The following LRMDA variants were observed in gnomAD, a reference collection of about 807,000 sequenced individuals.
LRMDA encodes the protein leucine rich melanocyte differentiation associated, also known as leucine-rich melanocyte differentiation-associated protein.
LRMDA carries 18 observed loss-of-function variants against 29.8 expected under a neutral mutation model. That is an observed-to-expected ratio of 0.60 (90% confidence interval 0.42 to 0.90). The LOEUF (loss-of-function observed/expected upper bound fraction) is 0.90. Ranked by LOEUF, LRMDA falls within the 40% of genes least tolerant of loss-of-function variation. The pLI is 0.00. For missense variants in LRMDA, 273 were observed against 273.9 expected (o/e 1.00, Z 0.02); for synonymous variants, 125 against 109.4 (o/e 1.14, Z -0.89).
intron 6 of LRMDA, among the ~76,000 whole-genome samples, chr10:76,400,122 A>G (rs925016086): frequency 1.3e-5 from 2 of 152,212 alleles, no homozygotes; most frequent in African/African-American, 2.4e-5. Context: ...TTTCCTGCTG[A>G]TCTTGATGAA....
intron 2 of LRMDA, among the ~76,000 whole-genome samples, chr10:75,718,840 A>G (rs1255375986): frequency 2.6e-5 from 4 of 152,230 alleles, no homozygotes; most frequent in African/African-American, 9.6e-5. Context: ...TACTATAGTC[A>G]TATTAACCGT....
intron 6 of LRMDA, chr10:76,402,462 C>T (rs1472180373): frequency 1.3e-5 from 2 of 152,304 alleles, no homozygotes; most frequent in Non-Finnish European, 2.9e-5. Context: ...AGCAATCCTC[C>T]CACTTTAGCC....
chr10:76,485,437 C>T (rs1247592962), intron 6 of LRMDA, among the ~76,000 whole-genome samples: 1 of 151,930 alleles, frequency 6.6e-6, no homozygotes, highest in East Asian at 1.9e-4. Context: ...AATTATTTCA[C>T]TTATCCTCTA....
At chr10:76,396,780 T>G (rs1246019632) in intron 6 of LRMDA, among the ~76,000 whole-genome samples, 1 of 152,216 alleles carries the variant, frequency 6.6e-6, no homozygotes, top group Non-Finnish European at 1.5e-5. Flanking sequence ...AGCCAATGAA[T>G]TATTGTGTCT....
chr10:76,158,358 A>G (rs946546477), intron 5 of LRMDA, among the ~76,000 whole-genome samples: 2 of 152,114 alleles, frequency 1.3e-5, no homozygotes, highest in African/African-American at 4.8e-5. Context: ...CTTCTTACGT[A>G]CTAATGGCAG....
intron 5 of LRMDA, among the ~76,000 whole-genome samples, chr10:76,089,580 C>T (rs60789814): frequency 0.058 from 8,841 of 152,130 alleles, 666 homozygotes; most frequent in African/African-American, 0.17. Context: ...CTCAGTCATC[C>T]TTGTCTGTTA....
At chr10:75,935,548 A>G (rs911401336) in intron 2 of LRMDA, among the ~76,000 whole-genome samples, 1 of 152,216 alleles carries the variant, frequency 6.6e-6, no homozygotes, top group African/African-American at 2.4e-5. Flanking sequence ...ATGACAAATG[A>G]GAAGAGATGC....
chr10:75,857,579 A>T (rs1390376324), intron 2 of LRMDA, among the ~76,000 whole-genome samples: 1 of 152,196 alleles, frequency 6.6e-6, no homozygotes, highest in African/African-American at 2.4e-5. Flanking sequence ...CCAATAAATA[A>T]CTTTGCCTTT....
intron 2 of LRMDA, among the ~76,000 whole-genome samples, chr10:75,870,012 C>A (rs912981416): frequency 1.3e-5 from 2 of 152,196 alleles, no homozygotes; most frequent in Non-Finnish European, 2.9e-5. Flanking sequence ...TATGAACCAG[C>A]CTTTCTCACC....
intron 2 of LRMDA, among the ~76,000 whole-genome samples, chr10:75,752,032 TAA>T (rs901401866): frequency 6.7e-6 from 1 of 148,656 alleles, no homozygotes; most frequent in Non-Finnish European, 1.5e-5. Flanking sequence ...GTAAAATAAA[TAA>T]ATATATATAT....
At chr10:76,361,415 A>G (rs1841311643) in intron 6 of LRMDA, among the ~76,000 whole-genome samples, 1 of 152,060 alleles carries the variant, frequency 6.6e-6, no homozygotes, top group Non-Finnish European at 1.5e-5. Context: ...CATCTAAGGG[A>G]TAGTATGGGA....
At chr10:75,924,708 G>A (rs1488176897) in intron 2 of LRMDA, among the ~76,000 whole-genome samples, 1 of 151,916 alleles carries the variant, frequency 6.6e-6, no homozygotes, top group Non-Finnish European at 1.5e-5. Context: ...AAGAGGAAGA[G>A]AACATGGCAT....
At chr10:76,353,551 A>G (rs916181555) in intron 6 of LRMDA, among the ~76,000 whole-genome samples, 2 of 152,130 alleles carry the variant, frequency 1.3e-5, no homozygotes, top group African/African-American at 4.8e-5. Context: ...ACTGGCTTGC[A>G]TCTTAGTAAA....
chr10:75,545,153 T>C (rs1275750751), intron 2 of LRMDA, among the ~76,000 whole-genome samples: 1 of 152,190 alleles, frequency 6.6e-6, no homozygotes, highest in African/African-American at 2.4e-5. Context: ...AGGAATGTGC[T>C]TAACATCCAA....
intron 5 of LRMDA, among the ~76,000 whole-genome samples, chr10:76,099,273 C>T (rs769450009): frequency 1.3e-5 from 2 of 152,154 alleles, no homozygotes; most frequent in African/African-American, 2.4e-5. Context: ...TTAATTTGAC[C>T]TATGCCCAGG....
intron 5 of LRMDA, among the ~76,000 whole-genome samples, chr10:76,291,548 T>C (rs1486978845): frequency 6.6e-6 from 1 of 152,170 alleles, no homozygotes; most frequent in African/African-American, 2.4e-5. Context: ...ACATATAAGC[T>C]CTTAAAAGGA....
intron 5 of LRMDA, among the ~76,000 whole-genome samples, chr10:76,087,081 G>A (rs114557882): frequency 1.8e-3 from 273 of 152,260 alleles, no homozygotes; most frequent in African/African-American, 6.4e-3. Flanking sequence ...CTCCCAGACA[G>A]GCCCTGTAAA....
intron 6 of LRMDA, among the ~76,000 whole-genome samples, chr10:76,363,573 G>C (rs1564520986): frequency 6.6e-6 from 1 of 152,110 alleles, no homozygotes; most frequent in Non-Finnish European, 1.5e-5. Context: ...GTGAGGGGTA[G>C]TGTGGTATGT....
At chr10:75,591,639 C>T (rs553170439) in intron 2 of LRMDA, among the ~76,000 whole-genome samples, 2 of 152,328 alleles carry the variant, frequency 1.3e-5, no homozygotes, top group African/African-American at 2.4e-5. Context: ...GAAGTTTCCT[C>T]GCAGTTCTCC....
Sources: gnomAD v4.1 joint callset for allele counts (sites outside exome capture counted in the v4.1 genomes callset) on GRCh38, gnomAD v4.1.1 for gene constraint, MANE v1.5 for transcripts, NCBI Gene and HGNC (gene_info 2026-07-23, HGNC 2026-07-21) for gene names.